Variants in CHST15 observed in about 807,000 individuals in gnomAD.
CHST15 encodes the protein B cell RAG associated protein (GALNAC4S-6ST).
In CHST15, 30 loss-of-function variants were observed where a neutral mutation model predicts 53.6. That is an observed-to-expected ratio of 0.56 (90% CI 0.42 to 0.76). The LOEUF is 0.76. Among genes scored for constraint, CHST15 ranks in the 30% least tolerant of loss-of-function variants. The pLI, the probability that CHST15 is intolerant of heterozygous loss-of-function variation, is 0.00. For missense variants in CHST15, 627 were observed against 740.5 expected (o/e 0.85, Z 1.78); for synonymous variants, 296 against 289.8 (o/e 1.02, Z -0.22).
At chr10:124,088,408 G>T (rs1337074577) in intron 1 of CHST15, among the ~76,000 whole-genome samples, 1 of 152,236 alleles carries the variant, frequency 6.6e-6, no homozygotes, top group Non-Finnish European at 1.5e-5. Flanking sequence ...CAGAAACGCT[G>T]CAGGTCCTGC....
At chr10:124,056,572 C>T (rs528013391) in intron 1 of CHST15, among the ~76,000 whole-genome samples, 18 of 152,268 alleles carry the variant, frequency 1.2e-4, no homozygotes, top group African/African-American at 3.6e-4. Context: ...GAAAGAAAGG[C>T]GGGCAGGGGC....
chr10:124,013,339 T>A (rs138213401), intron 6 of CHST15, among the ~76,000 whole-genome samples: 66 of 152,246 alleles, frequency 4.3e-4, no homozygotes, highest in African/African-American at 1.5e-3. Context: ...GGAACCCTAG[T>A]AAAAGGCCTG....
At chr10:124,029,161 A>C (rs1374005785) in intron 5 of CHST15, among the ~76,000 whole-genome samples, 1 of 152,178 alleles carries the variant, frequency 6.6e-6, no homozygotes, top group Non-Finnish European at 1.5e-5. Flanking sequence ...AATAATGATT[A>C]TATATTTTTT....
chr10:124,014,873 C>T (rs936343085), intron 6 of CHST15, among the ~76,000 whole-genome samples: 1 of 152,192 alleles, frequency 6.6e-6, no homozygotes, highest in African/African-American at 2.4e-5. Context: ...ATGAGAGCCC[C>T]CTGTGCTGTC....
chr10:124,032,776 T>A (rs1445061818), intron 5 of CHST15, among the ~76,000 whole-genome samples: 1 of 144,522 alleles, frequency 6.9e-6, no homozygotes, highest in Admixed American at 7.0e-5. Flanking sequence ...AACCATCCCA[T>A]CCACTTGTTT....
intron 1 of CHST15, among the ~76,000 whole-genome samples, chr10:124,090,009 G>C (rs1288828400): frequency 1.3e-5 from 2 of 152,278 alleles, no homozygotes; most frequent in Admixed American, 6.5e-5. Context: ...AGCTCTGCCC[G>C]CCTCACCTCC....
At chr10:124,020,124 A>C (rs1814440153) in intron 6 of CHST15, 1 of 985,476 alleles carries the variant, frequency 1.0e-6, no homozygotes, top group African/African-American at 1.7e-5. Context: ...CTGTGGCCCC[A>C]GGACCCAGCG....
At chr10:124,055,026 G>T (rs1049453451) in intron 1 of CHST15, among the ~76,000 whole-genome samples, 2 of 152,018 alleles carry the variant, frequency 1.3e-5, no homozygotes, top group African/African-American at 2.4e-5. Context: ...TGGGAACTTG[G>T]GGCTGCAATG....
intron 1 of CHST15, among the ~76,000 whole-genome samples, chr10:124,085,448 C>T (rs1949388730): frequency 6.6e-6 from 1 of 152,244 alleles, no homozygotes; most frequent in Non-Finnish European, 1.5e-5. Context: ...CTCTCGACTC[C>T]TTGGGAAATT....
At position 124,010,306 on chromosome 10, in the gene CHST15, G is replaced by T; in HGVS notation, c.1529C>A (p.Thr510Asn). The part of the protein sequence containing the change: ...PLSEKQEALM[T>N]KSPASNARRP... ...CCGTGCATTGGATGCGGGGCTCTTGGTCATCAAAGCCTCCTGCTTCTCACT... is the reference window on the plus strand; with the variant it reads ...CCGTGCATTGGATGCGGGGCTCTTGTTCATCAAAGCCTCCTGCTTCTCACT... The change falls in exon 8 of 8, where the codon ACC (threonine) becomes AAC (asparagine). Residue 510 changes from threonine to asparagine, a missense_variant. Physicochemically the swap from Thr to Asn is moderately conservative, Grantham distance 65. Around this residue, in one of 3 missense-constraint regions of CHST15, gnomAD observed 279 missense variants for 371.6 expected, o/e 0.75. Transcript: ENST00000435907. The T allele has an allele frequency of 6.2e-7, 1 of 1,609,842 alleles. No individual in the cohort carries two copies. The highest frequency in any genetic ancestry group is 8.5e-7 in the Non-Finnish European group (1 of 1,177,326).
At chr10:124,010,434 A>G in intron 7 of CHST15, 95 bp from the exon 8 acceptor site, 1 of 1,440,262 alleles carries the variant, frequency 6.9e-7, no homozygotes, top group Non-Finnish European at 9.1e-7. Flanking sequence ...GTATTCAGAC[A>G]GGAGTTTCCT....
rs748331919 is a variant in CHST15, at chr10:124,045,873, C to T, written c.340G>A (p.Gly114Arg). 4.3e-6 allele frequency: 7 copies of T among 1,613,504 alleles called. No homozygotes were observed. The highest frequency in any genetic ancestry group is 5.1e-6 in the Non-Finnish European group (6 of 1,179,952). The change falls in exon 2 of 8, where the codon GGA (glycine) becomes AGA (arginine). Residue 114 changes from glycine to arginine, a missense_variant. Gly to Arg is a moderately radical substitution (Grantham distance 125). Around this residue, in one of 3 missense-constraint regions of CHST15, gnomAD observed 187 missense variants for 251.8 expected, o/e 0.74. Coordinates refer to ENST00000435907, the MANE Select transcript of CHST15 (RefSeq NM_001270764.2). The part of the protein sequence containing the change: ...ELLISSPFHY[G>R]GFPSNPSLMD... Reference sequence around the variant, plus strand: ...AAGCTGGGGTTGCTGGGGAAGCCTCCGTAATGGAAAGGTGATGAGATCAGA... The same window carrying T: ...AAGCTGGGGTTGCTGGGGAAGCCTCTGTAATGGAAAGGTGATGAGATCAGA...
At chr10:124,073,453 G>A (rs1686779043) in intron 1 of CHST15, among the ~76,000 whole-genome samples, 1 of 152,180 alleles carries the variant, frequency 6.6e-6, no homozygotes, top group African/African-American at 2.4e-5. Context: ...AGGGGTCCTG[G>A]GGTGCTGTCT....
At chr10:124,038,492 T>C (rs1232460927) in intron 5 of CHST15, 23 bp downstream of exon 5, 1 of 1,610,404 alleles carries the variant, frequency 6.2e-7, no homozygotes. Flanking sequence ...TCACCCCAAA[T>C]ACAACACACA....
rs1564843286 is a variant in CHST15 at position 124,008,136 on chromosome 10, C to T, written c.*2013G>A. 4 of 1,231,310 alleles carry T rather than the reference C, an allele frequency of 3.2e-6. No individual in the cohort carries two copies. The highest frequency in any genetic ancestry group is 4.0e-6 in the Non-Finnish European group (4 of 987,834). 76.3% of individuals were successfully genotyped at this position (1,231,310 alleles called of 1,614,324 possible). A position where few individuals can be genotyped will look rare whatever the true frequency, so the allele number is the denominator to read the frequency against. On this transcript the variant is annotated 3_prime_UTR_variant, in exon 8 of 8. Transcript: ENST00000435907. ...AATACTTCTGTAAGAAGCAGAATTA[C>T]ACCACATGTTATTCACATGCATAGG...
chr10:124,064,700 G>A (rs1948701704), intron 1 of CHST15, among the ~76,000 whole-genome samples: 1 of 140,204 alleles, frequency 7.1e-6, no homozygotes, highest in Non-Finnish European at 1.5e-5. Flanking sequence ...TTATCTCGCT[G>A]TCTCTGTGTG....
At chr10:124,087,704 C>T (rs1949473807) in intron 1 of CHST15, among the ~76,000 whole-genome samples, 1 of 147,904 alleles carries the variant, frequency 6.8e-6, no homozygotes, top group Admixed American at 6.8e-5. Context: ...AAGCCAGGAG[C>T]CCCCACCCCC....
rs1365502459 is a variant in CHST15, at chr10:124,017,353, G to A, written c.1347+3903C>T. 3.3e-5 allele frequency among the ~76,000 whole-genome samples: 5 copies of A among 152,136 alleles called. No homozygotes were observed. The East Asian group carries it at 5.8e-4, about 18-fold the overall frequency. Reference sequence around the variant, plus strand: ...CCAGGGCCTGCAGGGGAGGGCTCTGGCACCTTCTACGACCACATTAGCCGG... The same window carrying A: ...CCAGGGCCTGCAGGGGAGGGCTCTGACACCTTCTACGACCACATTAGCCGG... On this transcript the variant is annotated intron_variant, in intron 6 of 7. Coordinates refer to ENST00000435907, the MANE Select transcript of CHST15 (RefSeq NM_001270764.2).
At chr10:124,083,915 G>A (rs572000251) in intron 1 of CHST15, among the ~76,000 whole-genome samples, 2 of 152,346 alleles carry the variant, frequency 1.3e-5, no homozygotes, top group South Asian at 4.1e-4. Flanking sequence ...GACCACAGGC[G>A]AGGAAGTGGT....
Sources: gnomAD v4.1 joint callset for allele counts (sites outside exome capture counted in the v4.1 genomes callset) on GRCh38, gnomAD v4.1.1 for gene constraint, gnomAD v4.1.1 regional missense constraint, MANE v1.5 for transcripts, NCBI Gene and HGNC (gene_info 2026-07-23, HGNC 2026-07-21) for gene names.